The following PRELID2 variants were observed in gnomAD, a reference collection of about 807,000 sequenced individuals.
PRELID2 encodes PRELI domain containing 2.
In PRELID2, 25 loss-of-function variants were observed where a neutral mutation model predicts 28.4. The observed-to-expected ratio is 0.88, with a 90% confidence interval of 0.64 to 1.23. The LOEUF (loss-of-function observed/expected upper bound fraction) is 1.23, where lower values mean the gene tolerates loss of function less well. PRELID2 is among the 50% of genes most tolerant of loss of function. PRELID2 has a pLI of 0.00. For synonymous variants in PRELID2, 76 were observed against 71.6 expected, an observed-to-expected ratio of 1.06 and a Z score of -0.31; for missense variants, 201 against 214.4, an observed-to-expected ratio of 0.94 and a Z score of 0.39.
At chr5:145,542,992 G>A (rs1407239756) in intron 1 of PRELID2, among the ~76,000 whole-genome samples, 1 of 152,054 alleles carries the variant, frequency 6.6e-6, no homozygotes, top group Admixed American at 6.6e-5. Context: ...AGCAAGCTGT[G>A]TACAAGCTGT....
chr5:145,400,058 A>G, the PRELID2 span, among the ~76,000 whole-genome samples: 7 of 152,018 alleles, frequency 4.6e-5, no homozygotes, highest in Non-Finnish European at 8.8e-5. Flanking sequence ...CCTTTCCCCA[A>G]TTTTATTTAA....
At chr5:145,650,053 C>T (rs1251631273) in intron 1 of PRELID2, among the ~76,000 whole-genome samples, 3 of 152,110 alleles carry the variant, frequency 2.0e-5, no homozygotes, top group African/African-American at 7.2e-5. Flanking sequence ...TATATTGATC[C>T]AATCACACAG....
intron 1 of PRELID2, among the ~76,000 whole-genome samples, chr5:145,730,455 A>G (rs528800534): frequency 3.9e-5 from 6 of 152,336 alleles, no homozygotes; most frequent in African/African-American, 1.4e-4. Context: ...CATGCATGGC[A>G]TGAAGATCCA....
At chr5:145,730,912 C>T (rs1309653738) in intron 1 of PRELID2, among the ~76,000 whole-genome samples, 1 of 152,152 alleles carries the variant, frequency 6.6e-6, no homozygotes, top group Non-Finnish European at 1.5e-5. Context: ...CTCCCCTCCA[C>T]CCAGAGACAT....
chr5:145,623,190 C>T (rs1358058417), intron 1 of PRELID2, among the ~76,000 whole-genome samples: 1 of 151,742 alleles, frequency 6.6e-6, no homozygotes, highest in Admixed American at 6.6e-5. Flanking sequence ...GTGGCTCATG[C>T]CTGTAATCCC....
intron 1 of PRELID2, among the ~76,000 whole-genome samples, chr5:145,684,786 G>A (rs1755003708): frequency 1.3e-5 from 2 of 152,306 alleles, no homozygotes; most frequent in Admixed American, 1.3e-4. Context: ...GTAATGACCA[G>A]CACCAGCATT....
intron 6 of PRELID2, 88 bp from the exon 7 acceptor site, chr5:145,760,613 T>G (rs1757428785): frequency 6.6e-6 from 1 of 152,228 alleles, no homozygotes; most frequent in South Asian, 2.1e-4. Context: ...AAGCAACTCT[T>G]CAGAGTCCAC....
At chr5:145,380,071 A>G in the PRELID2 span, among the ~76,000 whole-genome samples, 2 of 151,906 alleles carry the variant, frequency 1.3e-5, no homozygotes, top group Non-Finnish European at 2.9e-5. Flanking sequence ...CCTGCACCAA[A>G]CCCTCTGGGC....
intron 1 of PRELID2, among the ~76,000 whole-genome samples, chr5:145,590,410 T>C (rs1337712032): frequency 3.3e-5 from 5 of 152,212 alleles, no homozygotes; most frequent in African/African-American, 1.2e-4. Flanking sequence ...ATGTATGTGT[T>C]TGCTTATTTA....
intron 1 of PRELID2, among the ~76,000 whole-genome samples, chr5:145,629,541 C>T (rs1753903169): frequency 6.6e-6 from 1 of 152,108 alleles, no homozygotes; most frequent in East Asian, 1.9e-4. Flanking sequence ...TAGAAACCAA[C>T]TATGTGAAAA....
At chr5:145,410,106 A>T in the PRELID2 span, among the ~76,000 whole-genome samples, 1 of 152,220 alleles carries the variant, frequency 6.6e-6, no homozygotes, top group Non-Finnish European at 1.5e-5. Context: ...TTGGTAAGCC[A>T]CATGTAGAAA....
the PRELID2 span, among the ~76,000 whole-genome samples, chr5:145,369,008 C>G: frequency 6.6e-6 from 1 of 151,750 alleles, no homozygotes; most frequent in Admixed American, 6.6e-5. Flanking sequence ...TTGTTCCCCT[C>G]TATGTGTCCG....
chr5:145,661,690 CAT>C (rs1324153219), intron 1 of PRELID2, among the ~76,000 whole-genome samples: 2 of 80,462 alleles, frequency 2.5e-5, no homozygotes, highest in Non-Finnish European at 5.2e-5. Flanking sequence ...AAAAAAAAAA[CAT>C]GTTATGCTTG....
the PRELID2 span, among the ~76,000 whole-genome samples, chr5:145,318,838 G>C: frequency 6.6e-6 from 1 of 152,204 alleles, no homozygotes; most frequent in Non-Finnish European, 1.5e-5. Flanking sequence ...CTGGCATCCA[G>C]GGAAAATCAG....
chr5:145,250,503 G>A, the PRELID2 span, among the ~76,000 whole-genome samples: 1 of 152,094 alleles, frequency 6.6e-6, no homozygotes, highest in African/African-American at 2.4e-5. Context: ...TCAAATCATT[G>A]ATATGAAGAC....
chr5:145,762,219 G>A (rs538671569), intron 6 of PRELID2, among the ~76,000 whole-genome samples: 13 of 152,186 alleles, frequency 8.5e-5, no homozygotes, highest in East Asian at 7.7e-4. Context: ...TTCAGACCTC[G>A]ACCATTTCAC....
intron 1 of PRELID2, among the ~76,000 whole-genome samples, chr5:145,578,654 C>A (rs1753082362): frequency 6.6e-6 from 1 of 152,034 alleles, no homozygotes; most frequent in African/African-American, 2.4e-5. Context: ...TTTCACTATA[C>A]TTTTTATTGC....
chr5:145,520,863 AAAAT>A, intron 1 of PRELID2, among the ~76,000 whole-genome samples: 1 of 140,388 alleles, frequency 7.1e-6, no homozygotes. Flanking sequence ...TGAATACATA[AAAAT>A]AAACTTTCTA....
chr5:145,271,229 T>C, the PRELID2 span, among the ~76,000 whole-genome samples: 3 of 152,024 alleles, frequency 2.0e-5, no homozygotes, highest in Non-Finnish European at 2.9e-5. Context: ...CTAAGGCAAA[T>C]TCTACACTTA....
Sources: allele counts gnomAD v4.1 joint callset (sites outside exome capture counted in the v4.1 genomes callset), GRCh38; gene constraint gnomAD v4.1.1; transcripts MANE v1.5; gene names NCBI Gene and HGNC (gene_info 2026-07-23, HGNC 2026-07-21).